The following ATXN7L1 variants were observed in gnomAD, a reference collection of about 807,000 sequenced individuals.
ATXN7L1 encodes ataxin-7-like protein 1.
A neutral mutation model predicts 70.8 loss-of-function variants in ATXN7L1; 15 were observed. The observed-to-expected ratio is 0.21, with a 90% CI of 0.14 to 0.33. ATXN7L1 has a LOEUF of 0.33. Ranked by LOEUF, ATXN7L1 falls within the 10% of genes least tolerant of loss-of-function variation. The pLI, the probability that ATXN7L1 is intolerant of heterozygous loss-of-function variation, is 1.00. For missense variants in ATXN7L1, 975 were observed against 1,097.1 expected (o/e 0.89, Z 1.57); for synonymous variants, 440 against 445.1 (o/e 0.99, Z 0.14).
At position 105,761,557 on chromosome 7, in the gene ATXN7L1, G is replaced by C. The variant is rs1436243146; in HGVS notation, c.355+27047C>G. ...TTGTAAATGATTACTCATGCCAATT[G>C]CCATGTTTCCCCCTAAATTAAACAC... On this transcript the variant is annotated intron_variant, in intron 3 of 11. Coordinates refer to ENST00000419735, the MANE Select transcript of ATXN7L1 (RefSeq NM_020725.2). 3 of 1,498,814 alleles carry C rather than the reference G, an allele frequency of 2.0e-6. No individual in the cohort carries two copies. In the African/African-American group the frequency reaches 4.2e-5, roughly 21 times the overall value. The allele number at this position is 1,498,814 out of a possible 1,614,324, so 92.8% of individuals were successfully genotyped here.
At position 105,876,494 on chromosome 7, in the gene ATXN7L1, T is replaced by A. The variant is rs1233256912; in HGVS notation, c.65A>T (p.Lys22Met). The A allele has an allele frequency of 6.2e-7, 1 of 1,612,372 alleles. No individual in the cohort carries two copies. Among genetic ancestry groups the A allele is most frequent in the South Asian group, 1.1e-5 (1 of 90,922 alleles). Reference sequence around the variant, plus strand: ...CGCCATTGCTCTTCCTTCTTGTTGCTTTTTCCCTGTTCCTTCGGCAGCAGC... The same window carrying A: ...CGCCATTGCTCTTCCTTCTTGTTGCATTTTCCCTGTTCCTTCGGCAGCAGC... ...SAAAAEGTGK[K>M]QQEGRAMATL... Residue 22 changes from lysine to methionine, a missense_variant, in exon 1 of 12, where the codon AAG becomes ATG. This residue lies in a region of ATXN7L1 where 135 missense variants were observed against 132.6 expected (regional missense o/e 1.02). Transcript: ENST00000419735.
chr7:105,680,016 C>CTGGT (rs1805326587), intron 3 of ATXN7L1, among the ~76,000 whole-genome samples: 1 of 151,254 alleles, frequency 6.6e-6, no homozygotes. Flanking sequence ...TTTGCAAAAC[C>CTGGT]TGGTTATTAC....
intron 4 of ATXN7L1, among the ~76,000 whole-genome samples, chr7:105,662,082 C>CTTTTCT (rs375810406): frequency 2.8e-4 from 22 of 78,856 alleles, no homozygotes; most frequent in South Asian, 1.9e-3. Context: ...TTCCTTCCTT[C>CTTTTCT]TTTCTTTTCT....
chr7:105,782,388 G>A (rs912151067), intron 3 of ATXN7L1, among the ~76,000 whole-genome samples: 4 of 152,166 alleles, frequency 2.6e-5, no homozygotes, highest in Admixed American at 6.5e-5. Flanking sequence ...CCTAGATCTC[G>A]TGGGGAGAAG....
chr7:105,619,140 G>GTTTTT (rs1191774371), intron 9 of ATXN7L1, among the ~76,000 whole-genome samples: 3,525 of 49,646 alleles, frequency 0.071, 1,235 homozygotes, highest in African/African-American at 0.18. Flanking sequence ...GAAATCTTTA[G>GTTTTT]TTTTTTTTTT....
chr7:105,642,932 C>G lies in ATXN7L1; in HGVS notation c.768G>C (p.Lys256Asn). 1 of 1,551,696 alleles carries G rather than the reference C, an allele frequency of 6.4e-7. No homozygotes were observed. The highest frequency in any genetic ancestry group is 8.7e-7 in the Non-Finnish European group (1 of 1,146,996). Residue 256 changes from lysine to asparagine, a missense_variant, in exon 5 of 12, where the codon AAG becomes AAC. Coordinates refer to ENST00000419735, the MANE Select transcript of ATXN7L1 (RefSeq NM_020725.2). ...GCAGAATTCCTTTGCCATTTAAGATCTTCTCTGGTGAAGGTGGCACTGACT... is the reference window on the plus strand; with the variant it reads ...GCAGAATTCCTTTGCCATTTAAGATGTTCTCTGGTGAAGGTGGCACTGACT... ...MSKSVPPSPE[K>N]ILNGKGILPT...
chr7:105,688,347 G>C (rs191789856), intron 3 of ATXN7L1, among the ~76,000 whole-genome samples: 1 of 152,174 alleles, frequency 6.6e-6, no homozygotes, highest in South Asian at 2.1e-4. Context: ...TTTGAGACCA[G>C]CCTGGGCAAC....
Position 105,685,249 on chromosome 7 carries a change from C to T in ATXN7L1, c.356-19961G>A, listed in dbSNP as rs541577828. ...ATGCTCTGAGGTTAGCAGTACCTCC[C>T]CTCTCCAGCGCTATAGCGAAGAGTC... On this transcript the variant is annotated intron_variant, in intron 3 of 11. Coordinates refer to ENST00000419735, the MANE Select transcript of ATXN7L1 (RefSeq NM_020725.2). Among the ~76,000 whole-genome samples, 3 of 152,212 alleles carry T rather than the reference C, an allele frequency of 2.0e-5. No individual in the cohort carries two copies. In the East Asian group the frequency reaches 5.8e-4, roughly 29 times the overall value.
At chr7:105,620,110 A>C in intron 9 of ATXN7L1, 90 bp downstream of exon 9, 1 of 1,441,054 alleles carries the variant, frequency 6.9e-7, no homozygotes, top group Admixed American at 2.1e-5. Flanking sequence ...TTCTATGAAA[A>C]GTCAGCCACT....
chr7:105,733,455 A>C (rs1374702491), intron 3 of ATXN7L1, among the ~76,000 whole-genome samples: 3 of 150,218 alleles, frequency 2.0e-5, no homozygotes, highest in Non-Finnish European at 4.4e-5. Context: ...AAGGTGAGTA[A>C]GATCCACTTT....
At chr7:105,764,236 G>A (rs1426840748) in intron 3 of ATXN7L1, among the ~76,000 whole-genome samples, 1 of 150,128 alleles carries the variant, frequency 6.7e-6, no homozygotes, top group Non-Finnish European at 1.5e-5. Flanking sequence ...ATCAATCTCA[G>A]TTTAACGGAG....
At chr7:105,618,390 G>A (rs1254498516) in intron 9 of ATXN7L1, among the ~76,000 whole-genome samples, 1 of 152,186 alleles carries the variant, frequency 6.6e-6, no homozygotes, top group Non-Finnish European at 1.5e-5. Flanking sequence ...ACTTAAATGG[G>A]AAGAAATGAT....
In ATXN7L1 at chr7:105,638,502, T is replaced by A; in HGVS notation, c.1053A>T (p.Lys351Asn). Residue 351 changes from lysine (K) to asparagine (N), a missense_variant, in exon 7 of 12, where the codon AAA becomes AAT. Around this residue, in one of 5 missense-constraint regions of ATXN7L1, gnomAD observed 635 missense variants for 699.4 expected, o/e 0.91. Coordinates refer to ENST00000419735, the MANE Select transcript of ATXN7L1 (RefSeq NM_020725.2). ...CCCTCGTGGAAGTCAGGAGATGCTC[T>A]TTATCTTTAACTTCTTTTTCCCGGG... ...AKSREKEVKD[K>N]EHLLTSTREI... The A allele has an allele frequency of 1.3e-6, 2 of 1,552,342 alleles. No homozygotes were observed. The highest frequency in any genetic ancestry group is 4.9e-5 in the East Asian group (2 of 40,920).
chr7:105,789,741 T>A (rs1775241664), intron 2 of ATXN7L1, among the ~76,000 whole-genome samples: 2 of 152,028 alleles, frequency 1.3e-5, no homozygotes, highest in South Asian at 4.2e-4. Context: ...ATTTTGACTC[T>A]GACTTTAAGA....
At chr7:105,691,658 T>TAAAAAAAAAAAAA (rs34303034) in intron 3 of ATXN7L1, 1 of 110,940 alleles carries the variant, frequency 9.0e-6, no homozygotes, top group Non-Finnish European at 1.8e-5. Flanking sequence ...CGGATGTCAG[T>TAAAAAAAAAAAAA]AAAAAAAAAA....
chr7:105,665,306 A>G lies in ATXN7L1; in HGVS notation c.356-18T>C. 6.5e-7 allele frequency: 1 copy of G among 1,535,972 alleles called. No individual in the cohort carries two copies. Among genetic ancestry groups the G allele is most frequent in the Non-Finnish European group, 8.8e-7 (1 of 1,133,434 alleles). On this transcript the variant is annotated intron_variant, in intron 3 of 11. Coordinates refer to ENST00000419735, the MANE Select transcript of ATXN7L1 (RefSeq NM_020725.2). ...TCTTCTCTCTACAGGGGCAGAAAGT[A>G]GAGAACTCAGCACAGCATCTGTAGC...
intron 3 of ATXN7L1, among the ~76,000 whole-genome samples, chr7:105,705,974 G>A (rs1190204023): frequency 6.6e-6 from 1 of 152,086 alleles, no homozygotes; most frequent in African/African-American, 2.4e-5. Flanking sequence ...CTTTTTCTTA[G>A]TACTGGTACA....
chr7:105,673,038 C>G (rs977247394), intron 3 of ATXN7L1, among the ~76,000 whole-genome samples: 19 of 152,236 alleles, frequency 1.2e-4, no homozygotes, highest in African/African-American at 4.3e-4. Flanking sequence ...CAGGGGCAGT[C>G]CTGGAGATCA....
rs955029933 is a variant in ATXN7L1 at position 105,820,010 on chromosome 7, T to A, written c.251-31302A>T. Reference sequence around the variant, plus strand: ...ATCCACTATCGGAAGAAGAAACAGCTCATGAGGCTATGGAAACCGGGTGAA... The same window carrying A: ...ATCCACTATCGGAAGAAGAAACAGCACATGAGGCTATGGAAACCGGGTGAA... On this transcript the variant is annotated intron_variant, in intron 2 of 11. Transcript: ENST00000419735. The A allele has an allele frequency of 6.2e-5, 28 of 450,110 alleles. No homozygotes were observed. The Admixed American group carries it at 7.2e-4, about 12-fold the overall frequency. The allele number at this position is 450,110 out of a possible 1,614,324, so 27.9% of individuals were successfully genotyped here.
Sources: allele counts gnomAD v4.1 joint callset (sites outside exome capture counted in the v4.1 genomes callset), GRCh38; gene constraint gnomAD v4.1.1; regional missense constraint gnomAD v4.1.1; transcripts MANE v1.5; gene names NCBI Gene and HGNC (gene_info 2026-07-23, HGNC 2026-07-21).